The following SYNE2 variants were observed in gnomAD, a reference collection of about 807,000 sequenced individuals.
The protein encoded by SYNE2 is spectrin repeat containing nuclear envelope protein 2.
In SYNE2, 431 loss-of-function variants were observed where a neutral mutation model predicts 856.3. The observed-to-expected ratio is 0.50, with a 90% CI of 0.47 to 0.55. The LOEUF is 0.55. Among genes scored for constraint, SYNE2 ranks in the 20% least tolerant of loss-of-function variants. The pLI is 0.00. For synonymous variants in SYNE2, 2,923 were observed against 2,872.3 expected (o/e 1.02, Z -0.56); for missense variants, 8,129 against 8,023.2 (o/e 1.01, Z -0.50).
intron 100 of SYNE2, chr14:64,207,814 T>G (rs1388038530): frequency 2.8e-6 from 1 of 360,318 alleles, no homozygotes. Context: ...GAATTTAACT[T>G]AGTGTTTGCT....
intron 45 of SYNE2, chr14:64,034,687 A>G: frequency 2.3e-6 from 1 of 442,250 alleles, no homozygotes; most frequent in East Asian, 3.2e-5. Context: ...AAAATTCAGT[A>G]TGACAGGTAT....
intron 60 of SYNE2, 101 bp downstream of exon 60, chr14:64,091,149 T>A: frequency 3.7e-6 from 4 of 1,076,848 alleles, no homozygotes; most frequent in Non-Finnish European, 5.6e-6. Flanking sequence ...ATCCTATTAT[T>A]GTAGGAGGTG....
intron 1 of SYNE2, among the ~76,000 whole-genome samples, chr14:63,866,901 G>A (rs1895487844): frequency 6.6e-6 from 1 of 152,186 alleles, no homozygotes; most frequent in Non-Finnish European, 1.5e-5. Flanking sequence ...GAGCCCAGAA[G>A]ATGGAGATTG....
intron 1 of SYNE2, among the ~76,000 whole-genome samples, chr14:63,902,634 CAATCTAGCCCTTAGCTA>C (rs1190983761): frequency 1.3e-5 from 2 of 151,786 alleles, no homozygotes; most frequent in Non-Finnish European, 1.5e-5. Flanking sequence ...CCGGGAGACT[CAATCTAGCCCTTAGCTA>C]AATCTAGCCC....
intron 17 of SYNE2, among the ~76,000 whole-genome samples, chr14:63,983,132 T>A (rs1479289530): frequency 1.3e-5 from 2 of 152,260 alleles, no homozygotes; most frequent in African/African-American, 4.8e-5. Flanking sequence ...AAGGTTCATC[T>A]GTATTATAGA....
In SYNE2 at chr14:64,215,207, A is replaced by G. The variant is rs189887750; in HGVS notation, c.19334-79A>G. ...GGTAGTTTTCTCCTTCCAGCTGACAATGTTTCTACTGTGTGTTAATACTTG... is the reference window on the plus strand; with the variant it reads ...GGTAGTTTTCTCCTTCCAGCTGACAGTGTTTCTACTGTGTGTTAATACTTG... On this transcript the variant is annotated intron_variant, in intron 106 of 115. Coordinates refer to ENST00000555002, the MANE Select transcript of SYNE2 (RefSeq NM_182914.3). 1.6e-4 allele frequency: 200 copies of G among 1,256,760 alleles called. No homozygotes were observed. The East Asian group carries it at 1.9e-3, about 12-fold the overall frequency. The allele number at this position is 1,256,760 out of a possible 1,614,324, so 77.9% of individuals were successfully genotyped here.
intron 8 of SYNE2, among the ~76,000 whole-genome samples, chr14:63,958,139 C>T (rs1003896254): frequency 6.6e-6 from 1 of 152,056 alleles, no homozygotes; most frequent in African/African-American, 2.4e-5. Context: ...AACCCTGCAC[C>T]CAGTTTCCCC....
At chr14:63,990,070 A>G (rs1316056405) in intron 19 of SYNE2, among the ~76,000 whole-genome samples, 4 of 152,212 alleles carry the variant, frequency 2.6e-5, no homozygotes, top group Non-Finnish European at 4.4e-5. Flanking sequence ...CCCCAGTAAC[A>G]TTTATTGAAT....
intron 1 of SYNE2, among the ~76,000 whole-genome samples, chr14:63,771,523 A>G (rs1886911641): frequency 6.6e-6 from 1 of 152,186 alleles, no homozygotes; most frequent in African/African-American, 2.4e-5. Flanking sequence ...CAACAAACAT[A>G]TGTGGGAATT....
chr14:64,184,985 G>A (rs1374035689), intron 96 of SYNE2, among the ~76,000 whole-genome samples: 1 of 152,248 alleles, frequency 6.6e-6, no homozygotes, highest in Non-Finnish European at 1.5e-5. Flanking sequence ...GCAGGGCATG[G>A]TGGCTCGCCC....
intron 86 of SYNE2, 31 bp from the exon 87 acceptor site, chr14:64,159,281 G>C: frequency 6.2e-7 from 1 of 1,613,274 alleles, no homozygotes; most frequent in Non-Finnish European, 8.5e-7. Flanking sequence ...AGGCCATTCT[G>C]AAACTTAAAT....
intron 43 of SYNE2, 131 bp from the exon 44 acceptor site, chr14:64,029,762 ACT>A (rs2097016671): frequency 9.1e-7 from 1 of 1,093,176 alleles, no homozygotes; most frequent in South Asian, 1.4e-5. Context: ...AATCTTTAGA[ACT>A]CTAATTTATA....
chr14:63,862,331 G>C (rs1893959995), intron 1 of SYNE2, among the ~76,000 whole-genome samples: 4 of 152,206 alleles, frequency 2.6e-5, no homozygotes, highest in African/African-American at 9.7e-5. Context: ...ACCCAGGTGG[G>C]AGTGCAGCGT....
At chr14:64,128,383 C>A in intron 73 of SYNE2, 69 bp from the exon 74 acceptor site, 1 of 842,146 alleles carries the variant, frequency 1.2e-6, no homozygotes, top group Non-Finnish European at 2.0e-6. Context: ...TTATAAAAAC[C>A]AACTAAATAT....
intron 35 of SYNE2, among the ~76,000 whole-genome samples, 200 bp downstream of exon 35, chr14:64,020,293 C>T (rs1384084824): frequency 2.0e-5 from 3 of 152,098 alleles, no homozygotes. Flanking sequence ...TGTCTTGGGC[C>T]ACACATGAAA....
At chr14:63,828,919 A>T (rs1189432521) in intron 1 of SYNE2, among the ~76,000 whole-genome samples, 1 of 152,128 alleles carries the variant, frequency 6.6e-6, no homozygotes, top group Non-Finnish European at 1.5e-5. Flanking sequence ...CAATAAATAC[A>T]AAAAAAGATG....
chr14:63,878,019 A>G (rs1329887594), intron 1 of SYNE2, among the ~76,000 whole-genome samples: 2 of 151,828 alleles, frequency 1.3e-5, no homozygotes, highest in Non-Finnish European at 2.9e-5. Context: ...TCCCTTGAGT[A>G]GCTGGGACTA....
intron 2 of SYNE2, among the ~76,000 whole-genome samples, chr14:63,925,877 A>G (rs1287044677): frequency 6.6e-6 from 1 of 152,034 alleles, no homozygotes; most frequent in African/African-American, 2.4e-5. Context: ...TTTTTGGGAT[A>G]GGGTCTCACT....
intron 77 of SYNE2, 112 bp from the exon 78 acceptor site, chr14:64,133,957 C>T: frequency 7.6e-7 from 1 of 1,316,756 alleles, no homozygotes; most frequent in Non-Finnish European, 1.1e-6. Flanking sequence ...GGAATCTGTG[C>T]TTTAATTTTG....
Sources: gnomAD v4.1 joint callset for allele counts (sites outside exome capture counted in the v4.1 genomes callset) on GRCh38, gnomAD v4.1.1 for gene constraint, MANE v1.5 for transcripts, NCBI Gene and HGNC (gene_info 2026-07-23, HGNC 2026-07-21) for gene names.